DMD: variants seen among roughly 807,000 people sequenced by gnomAD.
DMD encodes dystrophin, also known as mutant dystrophin.
In DMD, 63 loss-of-function variants were observed where a neutral mutation model predicts 330.1. That is an observed-to-expected ratio of 0.19 (90% CI 0.16 to 0.24). The LOEUF (loss-of-function observed/expected upper bound fraction) is 0.24, where lower values mean the gene tolerates loss of function less well. Ranked by LOEUF, DMD falls within the 10% of genes least tolerant of loss-of-function variation. The probability of loss-of-function intolerance (pLI) is 1.00; values close to 1 mark genes in which losing one functional copy is unlikely to be tolerated. For missense variants in DMD, 3,344 were observed against 2,684.1 expected (o/e 1.25, Z -5.43); for synonymous variants, 1,223 against 959.8 (o/e 1.27, Z -5.07).
At chrX:32,794,570 C>A (rs1168469446) in intron 7 of DMD, among the ~76,000 whole-genome samples, 2 of 111,239 alleles carry the variant, frequency 1.8e-5, no homozygotes, top group East Asian at 2.8e-4. Flanking sequence ...GCCTGGGCAA[C>A]AGAGCAAGAC....
chrX:32,777,671 T>C (rs577059104), intron 7 of DMD, among the ~76,000 whole-genome samples: 11 of 112,000 alleles, frequency 9.8e-5, no homozygotes, highest in Admixed American at 4.7e-4. Context: ...ACCTTTCCAA[T>C]TGGTATTTAG....
chrX:33,245,952 T>C (rs2052657122), intron 1 of DMD, among the ~76,000 whole-genome samples: 1 of 111,870 alleles, frequency 8.9e-6, no homozygotes, highest in Non-Finnish European at 1.9e-5. Context: ...ACTCTTTAAT[T>C]TCAGGGTTCA....
chrX:31,947,559 C>T (rs769739127), intron 45 of DMD, among the ~76,000 whole-genome samples: 20 of 112,316 alleles, frequency 1.8e-4, no homozygotes, highest in South Asian at 7.4e-4. Flanking sequence ...GGTGCAAAAG[C>T]GATACACATT....
At chrX:33,051,900 C>T (rs745530490) in intron 1 of DMD, among the ~76,000 whole-genome samples, 5 of 110,456 alleles carry the variant, frequency 4.5e-5, no homozygotes, top group African/African-American at 1.3e-4. Flanking sequence ...CTGCCCGCCT[C>T]GGCCTCCCAA....
chrX:32,691,925 G>A (rs1352617688), intron 9 of DMD, among the ~76,000 whole-genome samples: 1 of 111,770 alleles, frequency 8.9e-6, no homozygotes, highest in Non-Finnish European at 1.9e-5. Context: ...AACACTCCAT[G>A]ATTCTACTTA....
At chrX:32,408,643 T>A (rs2147894919) in intron 30 of DMD, among the ~76,000 whole-genome samples, 1 of 111,783 alleles carries the variant, frequency 8.9e-6, no homozygotes, top group East Asian at 2.8e-4. Flanking sequence ...TCTGAGCAGG[T>A]ATTTCAAAGA....
intron 51 of DMD, among the ~76,000 whole-genome samples, chrX:31,746,332 CT>C (rs1157327412): frequency 3.6e-5 from 4 of 111,443 alleles, no homozygotes; most frequent in Admixed American, 2.9e-4. Context: ...TTCAAGCCCC[CT>C]AACCCTCTTC....
Position 32,411,892 on chromosome X carries a change from G to A in DMD, c.4093C>T (p.Leu1365Phe), listed in dbSNP as rs148781346. The A allele has an allele frequency of 1.2e-4, 149 of 1,208,913 alleles. No homozygotes were observed. The African/African-American group carries it at 2.3e-3, about 19-fold the overall frequency. Residue 1365 changes from leucine to phenylalanine, a missense_variant, in exon 30 of 79, where the codon CTT (leucine) becomes TTT (phenylalanine). Coordinates refer to ENST00000357033, the MANE Select transcript of DMD (RefSeq NM_004006.3). Reference sequence around the variant, plus strand: ...TGGGCAGACTGGATGCTCTGTTCAAGCAACTTTTGCCTCCTTACAGCCTAA... The same window carrying A: ...TGGGCAGACTGGATGCTCTGTTCAAACAACTTTTGCCTCCTTACAGCCTAA... ...HEEAVRRQKL[L>F]EQSIQSAQET...
intron 44 of DMD, among the ~76,000 whole-genome samples, chrX:32,169,930 C>A: frequency 8.9e-6 from 1 of 111,779 alleles, no homozygotes. Flanking sequence ...AAAAAACTCA[C>A]TGTCTTCTCA....
intron 45 of DMD, among the ~76,000 whole-genome samples, chrX:31,964,129 G>T (rs2095331044): frequency 1.8e-5 from 2 of 111,479 alleles, no homozygotes; most frequent in African/African-American, 3.3e-5. Flanking sequence ...ATCTCTTGAA[G>T]TCTTATTTAG....
At chrX:31,863,710 A>G (rs1032009328) in intron 48 of DMD, among the ~76,000 whole-genome samples, 2 of 111,740 alleles carry the variant, frequency 1.8e-5, no homozygotes, top group Non-Finnish European at 3.8e-5. Flanking sequence ...AATACTTTAA[A>G]TACTACTCAA....
chrX:33,318,837 G>A (rs923564311), intron 1 of DMD, among the ~76,000 whole-genome samples: 2 of 110,706 alleles, frequency 1.8e-5, no homozygotes, highest in African/African-American at 6.6e-5. Flanking sequence ...TTCTTAACAT[G>A]CTCATGTTAT....
intron 9 of DMD, among the ~76,000 whole-genome samples, chrX:32,660,633 A>G (rs1209639875): frequency 4.5e-5 from 5 of 111,259 alleles, no homozygotes; most frequent in African/African-American, 1.6e-4. Context: ...CTCTTTCTTA[A>G]TATTGTTAAT....
At chrX:31,661,454 C>T (rs1222387910) in intron 53 of DMD, among the ~76,000 whole-genome samples, 2 of 110,855 alleles carry the variant, frequency 1.8e-5, no homozygotes, top group Admixed American at 9.6e-5. Flanking sequence ...TTGGGTTTTA[C>T]CCAAGTGTCA....
At chrX:32,703,394 T>C (rs1238996554) in intron 7 of DMD, among the ~76,000 whole-genome samples, 2 of 111,618 alleles carry the variant, frequency 1.8e-5, no homozygotes, top group Non-Finnish European at 3.8e-5. Context: ...TTTCTATCAT[T>C]AACACAAAAA....
At chrX:32,625,350 G>C (rs1181438592) in intron 11 of DMD, among the ~76,000 whole-genome samples, 2 of 111,310 alleles carry the variant, frequency 1.8e-5, no homozygotes, top group South Asian at 7.5e-4. Context: ...CTCAGAAACT[G>C]AATTTTTAAC....
intron 9 of DMD, among the ~76,000 whole-genome samples, chrX:32,671,340 T>G (rs1044976489): frequency 1.8e-5 from 2 of 111,088 alleles, no homozygotes; most frequent in Non-Finnish European, 3.8e-5. Flanking sequence ...ATAACTTCGA[T>G]TTTTAAATTT....
chrX:32,346,103 G>A (rs1255385120), intron 38 of DMD, 23 bp from the exon 39 acceptor site: 3 of 1,206,338 alleles, frequency 2.5e-6, no homozygotes, highest in South Asian at 3.5e-5. Flanking sequence ...AACAAGTACA[G>A]TCTTCATTTT....
At chrX:31,611,264 T>C (rs903287147) in intron 55 of DMD, among the ~76,000 whole-genome samples, 2 of 110,122 alleles carry the variant, frequency 1.8e-5, no homozygotes, top group African/African-American at 6.6e-5. Context: ...CAAGTAAAGA[T>C]GGTGTCCGTG....
Sources: gnomAD v4.1 joint callset for allele counts (sites outside exome capture counted in the v4.1 genomes callset) on GRCh38, gnomAD v4.1.1 for gene constraint, MANE v1.5 for transcripts, NCBI Gene and HGNC (gene_info 2026-07-23, HGNC 2026-07-21) for gene names.